The following PDZK1 variants were observed in gnomAD, a reference collection of about 807,000 sequenced individuals.
PDZK1 encodes the protein Na(+)/H(+) exchange regulatory cofactor NHE-RF3.
Under a neutral mutation model 38.1 loss-of-function variants are expected in PDZK1, and 23 were observed. That is an observed-to-expected ratio of 0.60 (90% CI 0.43 to 0.85). PDZK1 has a LOEUF of 0.85. Among genes scored for constraint, PDZK1 ranks in the 40% least tolerant of loss-of-function variants. The pLI is 0.00. For missense variants in PDZK1, 297 were observed against 504.3 expected (o/e 0.59, Z 3.94); for synonymous variants, 98 against 186.2 (o/e 0.53, Z 3.86).
intron 5 of PDZK1, among the ~76,000 whole-genome samples, chr1:145,679,943 T>C (rs1258766975): frequency 6.6e-6 from 1 of 152,214 alleles, no homozygotes; most frequent in Admixed American, 6.5e-5. Context: ...CTCCTGACTG[T>C]GTTCACATGA....
At chr1:145,705,844 G>A (rs1248886756) in intron 1 of PDZK1, among the ~76,000 whole-genome samples, 7 of 151,996 alleles carry the variant, frequency 4.6e-5, no homozygotes, top group Non-Finnish European at 1.5e-5. Context: ...TCGACCCCCT[G>A]GGCTCAAGCA....
Position 145,673,772 on chromosome 1 carries a change from T to C in PDZK1, c.1100A>G (p.Asp367Gly). The C allele has an allele frequency of 1.2e-6, 2 of 1,611,824 alleles. No homozygotes were observed. Among genetic ancestry groups the C allele is most frequent in the Non-Finnish European group, 1.7e-6 (2 of 1,179,812 alleles). The change falls in exon 7 of 9, where the codon GAT becomes GGT. Residue 367 changes from aspartate to glycine, a missense_variant. Around this residue, in one of 5 missense-constraint regions of PDZK1, gnomAD observed 49 missense variants for 135.6 expected, o/e 0.36. Coordinates refer to ENST00000417171, the MANE Select transcript of PDZK1 (RefSeq NM_001201325.2). Reference protein sequence around the residue: ...PTSLEVSSPPDTTEEVDHKPK... With the variant: ...PTSLEVSSPPGTTEEVDHKPK... ...CTTATGATCTACTTCCTCTGTAGTATCTGGTGGACTTGAGACTTCCAGAGA... is the reference window on the plus strand; with the variant it reads ...CTTATGATCTACTTCCTCTGTAGTACCTGGTGGACTTGAGACTTCCAGAGA...
intron 1 of PDZK1, among the ~76,000 whole-genome samples, chr1:145,689,539 C>T (rs1655069671): frequency 6.6e-6 from 1 of 152,164 alleles, no homozygotes; most frequent in Non-Finnish European, 1.5e-5. Flanking sequence ...TGCCCCGACA[C>T]CTGCTGGCTG....
At chr1:145,674,455 G>A (rs1215280258) in intron 6 of PDZK1, 2 of 193,116 alleles carry the variant, frequency 1.0e-5, no homozygotes, top group Non-Finnish European at 1.9e-5. Flanking sequence ...TGTGAAGGTG[G>A]TTCCAGAGGG....
chr1:145,700,916 T>C (rs1246329719), intron 1 of PDZK1, among the ~76,000 whole-genome samples: 1 of 152,028 alleles, frequency 6.6e-6, no homozygotes. Context: ...ACTAAAAACT[T>C]AGCAGGGGCT....
chr1:145,701,867 T>C (rs1475736400), intron 1 of PDZK1, among the ~76,000 whole-genome samples: 1 of 152,242 alleles, frequency 6.6e-6, no homozygotes, highest in Non-Finnish European at 1.5e-5. Context: ...TATATTTTTA[T>C]GCAGATCATA....
chr1:145,690,171 G>C (rs1655122070), intron 1 of PDZK1, among the ~76,000 whole-genome samples: 1 of 152,128 alleles, frequency 6.6e-6, no homozygotes, highest in Admixed American at 6.6e-5. Flanking sequence ...CACCAGAGTT[G>C]AGTCACATCC....
chr1:145,705,042 T>A (rs1394284050), intron 1 of PDZK1, among the ~76,000 whole-genome samples: 1 of 152,086 alleles, frequency 6.6e-6, no homozygotes, highest in Non-Finnish European at 1.5e-5. Context: ...AATGACAAGA[T>A]CCCTGCAGTC....
intron 1 of PDZK1, among the ~76,000 whole-genome samples, chr1:145,689,969 G>A (rs587607950): frequency 2.0e-4 from 30 of 152,262 alleles, no homozygotes; most frequent in Admixed American, 3.9e-4. Context: ...CCAGTGGCAC[G>A]AGTGACTAAG....
intron 1 of PDZK1, among the ~76,000 whole-genome samples, chr1:145,697,915 G>T (rs1250211722): frequency 6.6e-6 from 1 of 151,502 alleles, no homozygotes; most frequent in Non-Finnish European, 1.5e-5. Context: ...ACTGCACCCA[G>T]CCTGGATGTT....
chr1:145,699,128 C>T (rs1655803299), intron 1 of PDZK1, among the ~76,000 whole-genome samples: 1 of 151,938 alleles, frequency 6.6e-6, no homozygotes, highest in African/African-American at 2.4e-5. Flanking sequence ...ATCCCAGCTA[C>T]TCAGGAGTCT....
At chr1:145,687,755 G>A (rs137964616) in intron 2 of PDZK1, 57 bp downstream of exon 2, 2 of 1,421,604 alleles carry the variant, frequency 1.4e-6, no homozygotes, top group Non-Finnish European at 2.0e-6. Flanking sequence ...ATAATCAGCA[G>A]AGAAGATGTG....
intron 1 of PDZK1, among the ~76,000 whole-genome samples, chr1:145,690,772 G>A (rs1655181051): frequency 1.3e-5 from 2 of 152,186 alleles, no homozygotes; most frequent in South Asian, 4.1e-4. Flanking sequence ...CCTGTGTTTG[G>A]AGAGAGGGGA....
chr1:145,686,371 A>G, intron 3 of PDZK1, 106 bp downstream of exon 3: 1 of 1,455,364 alleles, frequency 6.9e-7, no homozygotes, highest in Non-Finnish European at 9.4e-7. Context: ...TAGCAACTGA[A>G]AAGTCAGTCA....
In PDZK1 at chr1:145,682,620, G is replaced by A. The variant is rs371215662; in HGVS notation, c.477C>T (p.Tyr159=). The change falls in exon 4 of 9, where the codon TAC becomes TAT. Residue 159 remains tyrosine (Y), a synonymous_variant. Transcript: ENST00000417171. Reference sequence around the variant, plus strand: ...CACCTTGAGGTGTAATATCAGTCATGTACACCCCCTTTTTACCTGGAAGAG... The same window carrying A: ...CACCTTGAGGTGTAATATCAGTCATATACACCCCCTTTTTACCTGGAAGAG... ...LKTVQGKKGV[Y]MTDITPQGVA... is the part of the protein sequence containing the mutation. 72 of 1,611,816 alleles carry A rather than the reference G, an allele frequency of 4.5e-5. 1 individual carries two copies. In the Admixed American group the frequency reaches 1.1e-3, roughly 25 times the overall value.
intron 1 of PDZK1, among the ~76,000 whole-genome samples, chr1:145,694,352 A>G (rs1463163567): frequency 2.0e-5 from 3 of 152,120 alleles, no homozygotes; most frequent in Admixed American, 2.0e-4. Context: ...CCCTTTCCCA[A>G]ACAATTAGTT....
At position 145,673,781 on chromosome 1, in the gene PDZK1, C is replaced by T; in HGVS notation, c.1091G>A (p.Ser364Asn). The change falls in exon 7 of 9, where the codon AGT (serine) becomes AAT (asparagine). Residue 364 changes from serine to asparagine, a missense_variant. This residue lies in a region of PDZK1 where 49 missense variants were observed against 135.6 expected (regional missense o/e 0.36). Transcript: ENST00000417171. ...TACTTCCTCTGTAGTATCTGGTGGA[C>T]TTGAGACTTCCAGAGAAGTGGGAGT... ...APTPTSLEVS[S>N]PPDTTEEVDH... The T allele has an allele frequency of 6.2e-7, 1 of 1,611,688 alleles. No individual in the cohort carries two copies. Among genetic ancestry groups the T allele is most frequent in the East Asian group, 2.2e-5 (1 of 44,866 alleles).
chr1:145,676,724 C>CAAA (rs1288329286), intron 6 of PDZK1, among the ~76,000 whole-genome samples: 6 of 79,130 alleles, frequency 7.6e-5, no homozygotes, highest in African/African-American at 2.9e-4. Flanking sequence ...GACAACGTCT[C>CAAA]AAAAAAAAAA....
intron 1 of PDZK1, among the ~76,000 whole-genome samples, chr1:145,693,000 ACT>A (rs1655348539): frequency 6.6e-6 from 1 of 152,038 alleles, no homozygotes; most frequent in Non-Finnish European, 1.5e-5. Flanking sequence ...ACAGAGCAAG[ACT>A]CTGTCTCAAG....
Sources: gnomAD v4.1 joint callset for allele counts (sites outside exome capture counted in the v4.1 genomes callset) on GRCh38, gnomAD v4.1.1 for gene constraint, gnomAD v4.1.1 regional missense constraint, MANE v1.5 for transcripts, NCBI Gene and HGNC (gene_info 2026-07-23, HGNC 2026-07-21) for gene names.